HTR2A: variants seen among roughly 807,000 people sequenced by gnomAD.
HTR2A encodes the protein 5-hydroxytryptamine receptor 2A, also known as 5-HT2 receptor.
A neutral mutation model predicts 31.0 loss-of-function variants in HTR2A; 14 were observed. That is an observed-to-expected ratio of 0.45 (90% CI 0.30 to 0.71). The LOEUF (loss-of-function observed/expected upper bound fraction) is 0.71, where lower values mean the gene tolerates loss of function less well. Ranked by LOEUF, HTR2A falls within the 30% of genes least tolerant of loss-of-function variation. The pLI, the probability that HTR2A is intolerant of heterozygous loss-of-function variation, is 0.09. For synonymous variants in HTR2A, 209 were observed against 225.2 expected (o/e 0.93, Z 0.64); for missense variants, 442 against 573.3 (o/e 0.77, Z 2.34).
intron 3 of HTR2A, among the ~76,000 whole-genome samples, chr13:46,845,243 C>A (rs1374869370): frequency 6.6e-6 from 1 of 152,004 alleles, no homozygotes; most frequent in Non-Finnish European, 1.5e-5. Flanking sequence ...TGTCACAGTG[C>A]GAGGCTCATT....
chr13:46,863,630 G>GAAAAAAAAAAAAAAAAAAAAAAAAA (rs59693757), intron 3 of HTR2A, among the ~76,000 whole-genome samples: 1 of 59,274 alleles, frequency 1.7e-5, no homozygotes, highest in African/African-American at 6.9e-5. Flanking sequence ...CCCTCAAAAT[G>GAAAAAAAAAAAAAAAAAAAAAAAAA]AAAAAAAAAA....
intron 3 of HTR2A, among the ~76,000 whole-genome samples, chr13:46,847,898 A>G (rs1226105143): frequency 2.6e-5 from 4 of 152,100 alleles, no homozygotes; most frequent in Non-Finnish European, 5.9e-5. Context: ...CTAACTAGCA[A>G]CTTCTTCTTG....
rs1302942240 is a variant in HTR2A at position 46,876,126 on chromosome 13, G to A, written c.613+16264C>T. On this transcript the variant is annotated intron_variant, in intron 3 of 3. Transcript: ENST00000542664. Reference sequence around the variant, plus strand: ...CATATATCTCAATCTGTTGCTTATCGAGCCATATCATAACATCTTTCTTCC... The same window carrying A: ...CATATATCTCAATCTGTTGCTTATCAAGCCATATCATAACATCTTTCTTCC... 4.5e-4 allele frequency among the ~76,000 whole-genome samples: 69 copies of A among 151,820 alleles called. 2 individuals carry two copies. Among genetic ancestry groups the A allele is most frequent in the Non-Finnish European group, 5.9e-5 (4 of 67,972 alleles).
chr13:46,867,033 T>C (rs1950823579), intron 3 of HTR2A, among the ~76,000 whole-genome samples: 1 of 151,748 alleles, frequency 6.6e-6, no homozygotes, highest in Non-Finnish European at 1.5e-5. Flanking sequence ...TCTCAAAAAG[T>C]GATAAGTGAG....
At chr13:46,873,101 G>A (rs1928040) in intron 3 of HTR2A, among the ~76,000 whole-genome samples, 74,709 of 151,746 alleles carry the variant, frequency 0.49, 18,570 homozygotes, top group East Asian at 0.74. Flanking sequence ...CTCATTCAAA[G>A]GTGAAATGAT....
At chr13:46,891,913 C>T (rs953118617) in intron 3 of HTR2A, among the ~76,000 whole-genome samples, 5 of 152,146 alleles carry the variant, frequency 3.3e-5, no homozygotes, top group African/African-American at 9.7e-5. Flanking sequence ...GCAGCCTTGC[C>T]CCAAAGCAAA....
intron 3 of HTR2A, among the ~76,000 whole-genome samples, chr13:46,882,241 A>G (rs1025766003): frequency 2.0e-5 from 3 of 151,666 alleles, no homozygotes; most frequent in Admixed American, 6.6e-5. Flanking sequence ...AAAAAAAAAG[A>G]GAAAGTACTA....
chr13:46,897,339 T>A (rs542616894), upstream of HTR2A, among the ~76,000 whole-genome samples: 2 of 152,230 alleles, frequency 1.3e-5, no homozygotes, highest in African/African-American at 2.4e-5. Context: ...GTGCTGTGAG[T>A]GTCCGGCACT....
At chr13:46,849,795 T>C (rs988840105) in intron 3 of HTR2A, among the ~76,000 whole-genome samples, 2 of 152,232 alleles carry the variant, frequency 1.3e-5, no homozygotes, top group Non-Finnish European at 2.9e-5. Flanking sequence ...TGTATGAGAT[T>C]ATCTTGTTTG....
intron 3 of HTR2A, among the ~76,000 whole-genome samples, chr13:46,876,427 T>TTG (rs1950913273): frequency 1.0e-5 from 1 of 97,778 alleles, no homozygotes; most frequent in African/African-American, 4.2e-5. Flanking sequence ...TTTTTTTTTT[T>TTG]GAGACAGAGT....
chr13:46,897,366 AGT>A (rs1951112949), upstream of HTR2A, among the ~76,000 whole-genome samples: 1 of 152,180 alleles, frequency 6.6e-6, no homozygotes, highest in Non-Finnish European at 1.5e-5. Flanking sequence ...CAAAGCCAAC[AGT>A]GTTTGTGTCC....
rs143788412 is a variant in HTR2A, at chr13:46,850,927, T to C, written c.614-15288A>G. On this transcript the variant is annotated intron_variant, in intron 3 of 3. Transcript: ENST00000542664. ...TTTTCTTTCCATGGTTCCCAGCTAATTGGTGTCCCGTACCTGTGCTGATGT... is the reference window on the plus strand; with the variant it reads ...TTTTCTTTCCATGGTTCCCAGCTAACTGGTGTCCCGTACCTGTGCTGATGT... Among the ~76,000 whole-genome samples, 38 of 152,330 alleles carry C rather than the reference T, an allele frequency of 2.5e-4. No individual in the cohort carries two copies. In the South Asian group the frequency reaches 3.1e-3, roughly 12 times the overall value.
chr13:46,869,221 T>A (rs557807361), intron 3 of HTR2A, among the ~76,000 whole-genome samples: 1 of 152,250 alleles, frequency 6.6e-6, no homozygotes, highest in Admixed American at 6.5e-5. Context: ...ACATAAAGAA[T>A]TTCTAAAACT....
At chr13:46,885,984 T>G (rs1377346531) in intron 3 of HTR2A, among the ~76,000 whole-genome samples, 2 of 152,254 alleles carry the variant, frequency 1.3e-5, no homozygotes, top group East Asian at 3.8e-4. Flanking sequence ...TATTAACCCT[T>G]GGTCTGCCAA....
At chr13:46,864,559 C>T (rs148071659) in intron 3 of HTR2A, among the ~76,000 whole-genome samples, 114 of 152,302 alleles carry the variant, frequency 7.5e-4, no homozygotes, top group East Asian at 1.9e-3. Context: ...TTCTATCTTG[C>T]GGCTTCGGTA....
chr13:46,874,884 T>G (rs1173739624), intron 3 of HTR2A, among the ~76,000 whole-genome samples: 1 of 152,234 alleles, frequency 6.6e-6, no homozygotes, highest in African/African-American at 2.4e-5. Context: ...AAGGTGGAAA[T>G]AGTAGACTTA....
At chr13:46,862,704 G>A (rs958602840) in intron 3 of HTR2A, among the ~76,000 whole-genome samples, 11 of 152,154 alleles carry the variant, frequency 7.2e-5, no homozygotes, top group Non-Finnish European at 1.0e-4. Context: ...CTCTAGAAGT[G>A]CCCTCTAGTT....
intron 3 of HTR2A, among the ~76,000 whole-genome samples, chr13:46,868,257 T>A (rs1035433007): frequency 6.6e-6 from 1 of 152,028 alleles, no homozygotes; most frequent in Admixed American, 6.5e-5. Context: ...GGTCAGAGAG[T>A]CAAGCTGAAT....
Position 46,893,607 on chromosome 13 carries a change from C to T in HTR2A, c.413-1017G>A, listed in dbSNP as rs1302057547. On this transcript the variant is annotated intron_variant, in intron 2 of 3. Coordinates refer to ENST00000542664, the MANE Select transcript of HTR2A (RefSeq NM_000621.5). ...GTCAAAGCGTTTGCAAAGCTTTTTC[C>T]AAGCTCCCCAGACAATTCCAATGTA... Among the ~76,000 whole-genome samples the T allele has an allele frequency of 7.2e-5, 11 of 152,272 alleles. No individual in the cohort carries two copies. The East Asian group carries it at 2.1e-3, about 29-fold the overall frequency.
Sources: allele counts gnomAD v4.1 joint callset (sites outside exome capture counted in the v4.1 genomes callset), GRCh38; gene constraint gnomAD v4.1.1; transcripts MANE v1.5; gene names NCBI Gene and HGNC (gene_info 2026-07-23, HGNC 2026-07-21).